CENPC: variants seen among roughly 807,000 people sequenced by gnomAD.
CENPC encodes the protein CENP-C 1.
Under a neutral mutation model 112.1 loss-of-function variants are expected in CENPC, and 63 were observed. That is an observed-to-expected ratio of 0.56 (90% CI 0.46 to 0.69). The LOEUF (loss-of-function observed/expected upper bound fraction) is 0.69, where lower values mean the gene tolerates loss of function less well. CENPC is among the 30% of genes least tolerant of loss of function. The probability of loss-of-function intolerance (pLI) is 0.00; values close to 1 mark genes in which losing one functional copy is unlikely to be tolerated. For synonymous variants in CENPC, 333 were observed against 367.6 expected (o/e 0.91, Z 1.08); for missense variants, 1,000 against 1,103.8 (o/e 0.91, Z 1.33).
intron 4 of CENPC, among the ~76,000 whole-genome samples, chr4:67,537,297 T>C (rs1043897636): frequency 1.3e-5 from 2 of 152,294 alleles, no homozygotes; most frequent in South Asian, 2.1e-4. Flanking sequence ...ATCTAGGTAG[T>C]AGTTGTAAAA....
intron 17 of CENPC, among the ~76,000 whole-genome samples, chr4:67,489,607 T>G (rs997099214): frequency 5.4e-4 from 82 of 152,216 alleles, no homozygotes; most frequent in Non-Finnish European, 1.2e-4. Context: ...TGAAGAAGTC[T>G]TTTAACCTAT....
At chr4:67,503,656 A>T (rs1403181331) in intron 12 of CENPC, among the ~76,000 whole-genome samples, 2 of 152,130 alleles carry the variant, frequency 1.3e-5, no homozygotes, top group Non-Finnish European at 2.9e-5. Flanking sequence ...TATTCAAAAA[A>T]ATATATCCAC....
At chr4:67,533,038 C>T (rs1422532098) in intron 4 of CENPC, among the ~76,000 whole-genome samples, 2 of 152,160 alleles carry the variant, frequency 1.3e-5, no homozygotes, top group African/African-American at 4.8e-5. Flanking sequence ...AGTGTGGACA[C>T]AGTATCAGCA....
chr4:67,507,215 T>C (rs1291369991), intron 10 of CENPC, among the ~76,000 whole-genome samples: 3 of 152,050 alleles, frequency 2.0e-5, no homozygotes, highest in Non-Finnish European at 2.9e-5. Context: ...TATAAGCAGC[T>C]TGATATATAT....
chr4:67,512,263 T>C (rs1725912523), intron 9 of CENPC, 139 bp downstream of exon 9: 1 of 619,962 alleles, frequency 1.6e-6, no homozygotes, highest in Admixed American at 3.4e-5. Context: ...TCTTTACCAT[T>C]GATTTAATAT....
intron 17 of CENPC, among the ~76,000 whole-genome samples, chr4:67,486,968 G>GTTT (rs58948980): frequency 0.38 from 49,561 of 131,406 alleles, 10,451 homozygotes; most frequent in East Asian, 0.59. Context: ...TTGCTTTTAG[G>GTTT]TTTTTTTTTT....
intron 7 of CENPC, among the ~76,000 whole-genome samples, chr4:67,517,712 C>G (rs1726099609): frequency 6.6e-6 from 1 of 151,914 alleles, no homozygotes; most frequent in Admixed American, 6.6e-5. Flanking sequence ...GTGGCAGGTG[C>G]CTGTGATCCC....
rs1052541107 is a variant in CENPC, at chr4:67,479,738, T to C, written c.2671-4760A>G. 5.3e-5 allele frequency among the ~76,000 whole-genome samples: 8 copies of C among 151,968 alleles called. No individual in the cohort carries two copies. The East Asian group carries it at 5.8e-4, about 11-fold the overall frequency. ...GCCATTTGGTAGAACTAAATGAAAA[T>C]ATAATCAGAATTGATAGACCATTAG... On this transcript the variant is annotated intron_variant, in intron 17 of 18. Transcript: ENST00000273853.
chr4:67,530,410 A>G (rs1312573754), intron 5 of CENPC, among the ~76,000 whole-genome samples: 1 of 152,094 alleles, frequency 6.6e-6, no homozygotes, highest in Non-Finnish European at 1.5e-5. Flanking sequence ...GCACAGACAC[A>G]TACAAACACA....
At chr4:67,476,233 G>C (rs1724800731) in intron 17 of CENPC, among the ~76,000 whole-genome samples, 1 of 152,140 alleles carries the variant, frequency 6.6e-6, no homozygotes, top group Non-Finnish European at 1.5e-5. Flanking sequence ...TTTGCCAGAA[G>C]AACTACTGCA....
intron 17 of CENPC, among the ~76,000 whole-genome samples, chr4:67,488,546 G>C (rs1234695184): frequency 2.0e-5 from 3 of 151,934 alleles, no homozygotes; most frequent in Non-Finnish European, 4.4e-5. Flanking sequence ...TAACTATAAA[G>C]TGTCATTTGG....
Position 67,506,700 on chromosome 4 carries a change from C to T in CENPC, c.2051+88G>A, listed in dbSNP as rs1725741565. 2.8e-6 allele frequency: 3 copies of T among 1,087,726 alleles called. No homozygotes were observed. In the African/African-American group the frequency reaches 4.9e-5, roughly 18 times the overall value. 67.4% of individuals were successfully genotyped at this position (1,087,726 alleles called of 1,614,324 possible). ...ACAATAAGTGTTTTTAAGCTTTTAA[C>T]AAAATTAAAATAAAGTTCTTGGGTA... is the stretch of plus-strand genomic sequence containing the variant. On this transcript the variant is annotated intron_variant, in intron 11 of 18. Coordinates refer to ENST00000273853, the MANE Select transcript of CENPC (RefSeq NM_001812.4).
At chr4:67,522,235 T>G (rs956155286) in intron 5 of CENPC, among the ~76,000 whole-genome samples, 5 of 152,176 alleles carry the variant, frequency 3.3e-5, no homozygotes, top group African/African-American at 1.2e-4. Flanking sequence ...AGTATTTAAG[T>G]TGGGAATTCG....
intron 16 of CENPC, among the ~76,000 whole-genome samples, chr4:67,491,511 A>AGAGAGAGAGAGAGAGG (rs1553893242): frequency 2.7e-4 from 31 of 114,558 alleles, no homozygotes; most frequent in East Asian, 1.1e-3. Context: ...AGAGAGAGAG[A>AGAGAGAGAGAGAGAGG]GAGAGAGAGA....
At chr4:67,539,487 C>T (rs958794485) in intron 4 of CENPC, among the ~76,000 whole-genome samples, 3 of 152,064 alleles carry the variant, frequency 2.0e-5, no homozygotes, top group Admixed American at 6.6e-5. Context: ...TTGATTTCCC[C>T]GTATAACAAT....
At chr4:67,474,404 T>C (rs1032554653) in intron 18 of CENPC, among the ~76,000 whole-genome samples, 2 of 152,134 alleles carry the variant, frequency 1.3e-5, no homozygotes, top group Non-Finnish European at 2.9e-5. Flanking sequence ...CTTGTTCTCA[T>C]GTATCAAAAC....
At chr4:67,529,763 A>G (rs1158615025) in intron 5 of CENPC, among the ~76,000 whole-genome samples, 1 of 152,226 alleles carries the variant, frequency 6.6e-6, no homozygotes, top group East Asian at 1.9e-4. Context: ...TTTATTTGGA[A>G]TTGGATAAAA....
chr4:67,533,024 C>A (rs1171628439), intron 4 of CENPC, among the ~76,000 whole-genome samples: 5 of 152,190 alleles, frequency 3.3e-5, no homozygotes, highest in Non-Finnish European at 7.3e-5. Context: ...CAAGTGGTAG[C>A]AGAAGTGTGG....
intron 7 of CENPC, among the ~76,000 whole-genome samples, chr4:67,516,694 A>T (rs1726067303): frequency 6.6e-6 from 1 of 152,086 alleles, no homozygotes; most frequent in South Asian, 2.1e-4. Context: ...GATGTTAAAC[A>T]GAAATGATAT....
Sources: allele counts gnomAD v4.1 joint callset (sites outside exome capture counted in the v4.1 genomes callset), GRCh38; gene constraint gnomAD v4.1.1; transcripts MANE v1.5; gene names NCBI Gene and HGNC (gene_info 2026-07-23, HGNC 2026-07-21).